Variants in ARMC8 observed in about 807,000 individuals in gnomAD.
The protein encoded by ARMC8 is armadillo repeat containing 8.
A neutral mutation model predicts 99.3 loss-of-function variants in ARMC8; 20 were observed. The ratio of observed to expected loss-of-function variants is 0.20; its 90% CI spans 0.14 to 0.29. ARMC8 has a LOEUF of 0.29. ARMC8 is among the 10% of genes least tolerant of loss of function. ARMC8 has a pLI of 1.00. For synonymous variants in ARMC8, 263 were observed against 278.3 expected (o/e 0.95, Z 0.55); for missense variants, 569 against 809.5 (o/e 0.70, Z 3.60).
intron 14 of ARMC8, 60 bp downstream of exon 14, chr3:138,264,272 T>C: frequency 1.6e-6 from 2 of 1,280,246 alleles, no homozygotes; most frequent in Middle Eastern, 1.9e-4. Flanking sequence ...TGAGCTGAGC[T>C]AGCTAACACT....
intron 11 of ARMC8, among the ~76,000 whole-genome samples, chr3:138,242,349 T>G (rs2046667149): frequency 6.6e-6 from 1 of 152,216 alleles, no homozygotes; most frequent in African/African-American, 2.4e-5. Context: ...GTAATCTTTT[T>G]GTTACAGGAG....
chr3:138,204,154 A>C (rs904771025), intron 1 of ARMC8, among the ~76,000 whole-genome samples: 11 of 152,188 alleles, frequency 7.2e-5, no homozygotes, highest in Non-Finnish European at 1.5e-4. Flanking sequence ...GATCTTGTGG[A>C]GTGATCTTGG....
intron 15 of ARMC8, among the ~76,000 whole-genome samples, chr3:138,268,227 A>C (rs2048459199): frequency 6.6e-6 from 1 of 152,164 alleles, no homozygotes; most frequent in African/African-American, 2.4e-5. Flanking sequence ...TGGGCAAAAG[A>C]GGGAGACTCC....
chr3:138,274,147 G>T (rs1222604077), intron 17 of ARMC8, among the ~76,000 whole-genome samples: 8 of 151,682 alleles, frequency 5.3e-5, no homozygotes, highest in East Asian at 3.9e-4. Context: ...AATATATTTG[G>T]GTTTGAGGAC....
At chr3:138,278,711 AG>A (rs1218183053) in intron 18 of ARMC8, among the ~76,000 whole-genome samples, 1 of 152,182 alleles carries the variant, frequency 6.6e-6, no homozygotes, top group East Asian at 1.9e-4. Context: ...CCAATTATTT[AG>A]GTCTTCTTTA....
intron 19 of ARMC8, among the ~76,000 whole-genome samples, chr3:138,285,036 C>T (rs897607798): frequency 2.6e-5 from 4 of 152,238 alleles, no homozygotes; most frequent in African/African-American, 9.6e-5. Context: ...CATCTCCTGA[C>T]AAAATTCTAA....
chr3:138,204,609 A>G (rs1247059519), intron 1 of ARMC8, among the ~76,000 whole-genome samples: 1 of 152,206 alleles, frequency 6.6e-6, no homozygotes, highest in East Asian at 1.9e-4. Context: ...TGTTGTCAAG[A>G]TCAGTGAACA....
chr3:138,280,789 G>A (rs1283028603), intron 18 of ARMC8, among the ~76,000 whole-genome samples: 1 of 152,012 alleles, frequency 6.6e-6, no homozygotes, highest in East Asian at 1.9e-4. Context: ...ACCATGCCTG[G>A]CCAACTTTTT....
intron 1 of ARMC8, among the ~76,000 whole-genome samples, chr3:138,193,025 A>G (rs1252264162): frequency 6.6e-6 from 1 of 151,800 alleles, no homozygotes; most frequent in Non-Finnish European, 1.5e-5. Flanking sequence ...CTGGAGTGCA[A>G]TGGCCTGGTC....
chr3:138,296,329 A>G lies in ARMC8; in HGVS notation c.*437A>G, dbSNP rs566539732. ...TTTTCTTTTCTTATTTTGTGTGAAA[A>G]TCTCTTTTCTACAGATTTTCCAGGG... On this transcript the variant is annotated 3_prime_UTR_variant, in exon 22 of 22. Coordinates refer to ENST00000469044, the MANE Select transcript of ARMC8 (RefSeq NM_001363941.2). 2.0e-5 allele frequency: 3 copies of G among 153,400 alleles called. No homozygotes were observed. Among genetic ancestry groups the G allele is most frequent in the South Asian group, 4.1e-4 (2 of 4,840 alleles). 9.5% of individuals were successfully genotyped at this position (153,400 alleles called of 1,614,324 possible). A position where few individuals can be genotyped will look rare whatever the true frequency, so the allele number is the denominator to read the frequency against.
Position 138,239,500 on chromosome 3 carries a change from G to A in ARMC8, c.809G>A (p.Arg270Gln), listed in dbSNP as rs200770718. The change falls in exon 10 of 22, where the codon CGG becomes CAG. Residue 270 changes from arginine (R) to glutamine (Q), a missense_variant. By Grantham distance (43) the Arg-to-Gln change is conservative. Coordinates refer to ENST00000469044, the MANE Select transcript of ARMC8 (RefSeq NM_001363941.2). The stretch of plus-strand genomic sequence containing the variant: ...TACATGTGTAGAGCTGGAGCAATTC[G>A]GACAGATGATAACTGTATTGTATTA... ...LTYMCRAGAI[R>Q]TDDNCIVLKT... 1.7e-5 allele frequency: 27 copies of A among 1,598,006 alleles called. No individual in the cohort carries two copies. Among genetic ancestry groups the A allele is most frequent in the East Asian group, 1.4e-4 (6 of 44,068 alleles).
intron 1 of ARMC8, among the ~76,000 whole-genome samples, chr3:138,189,744 G>A (rs1370593261): frequency 3.3e-5 from 5 of 152,120 alleles, no homozygotes; most frequent in Non-Finnish European, 7.4e-5. Context: ...TGATTTTCCT[G>A]TACCCTTAAC....
chr3:138,281,780 C>A (rs1038200022), intron 18 of ARMC8, among the ~76,000 whole-genome samples: 1 of 152,174 alleles, frequency 6.6e-6, no homozygotes, highest in Non-Finnish European at 1.5e-5. Flanking sequence ...TCTGAGGGAT[C>A]TTCCCTGGAA....
At chr3:138,265,903 G>A (rs749520204) in intron 14 of ARMC8, among the ~76,000 whole-genome samples, 8 of 152,148 alleles carry the variant, frequency 5.3e-5, no homozygotes, top group Non-Finnish European at 8.8e-5. Context: ...AGTAGGAGTG[G>A]CTTAGGAAAG....
rs758394985 is a variant in ARMC8, at chr3:138,284,561, A to G, written c.1821+35A>G. ...TGTCCCCTTTCACCGTAGGATTAGA[A>G]TGCAGGGACTGTTGCATTTTTAACT... On this transcript the variant is annotated intron_variant, in intron 19 of 21. Transcript: ENST00000469044. 8.3e-6 allele frequency: 12 copies of G among 1,441,590 alleles called. 1 individual carries two copies. The highest frequency in any genetic ancestry group is 2.3e-5 in the East Asian group (1 of 44,032). The allele number at this position is 1,441,590 out of a possible 1,614,324, so 89.3% of individuals were successfully genotyped here.
intron 19 of ARMC8, 129 bp downstream of exon 19, chr3:138,284,655 A>G (rs543461498): frequency 1.0e-5 from 7 of 681,758 alleles, no homozygotes; most frequent in African/African-American, 1.8e-5. Flanking sequence ...CTCAGATTCA[A>G]AGAACTCTCT....
At chr3:138,248,370 G>A (rs1559987182) in intron 12 of ARMC8, among the ~76,000 whole-genome samples, 1 of 152,216 alleles carries the variant, frequency 6.6e-6, no homozygotes, top group African/African-American at 2.4e-5. Flanking sequence ...CACATTAGCA[G>A]TAACTGCAAT....
In ARMC8 at chr3:138,274,260, T is replaced by TATGA. The variant is rs560843104; in HGVS notation, c.1630-188_1630-185dup. 1.5e-4 allele frequency among the ~76,000 whole-genome samples: 23 copies of TATGA among 151,904 alleles called. No individual in the cohort carries two copies. In the South Asian group the frequency reaches 4.6e-3, roughly 30 times the overall value. ...GTGTGTGTGTGTGTGTGTGTGTGTG[T>TATGA]ATGACATATTTGAAGGCAAACTGCA... is the stretch of plus-strand genomic sequence containing the variant. On this transcript the variant is annotated intron_variant, in intron 17 of 21. Coordinates refer to ENST00000469044, the MANE Select transcript of ARMC8 (RefSeq NM_001363941.2).
intron 16 of ARMC8, among the ~76,000 whole-genome samples, chr3:138,271,196 C>T (rs2108298418): frequency 6.6e-6 from 1 of 152,266 alleles, no homozygotes; most frequent in South Asian, 2.1e-4. Context: ...ATATTTTTCT[C>T]CTGAACTTTG....
Sources: gnomAD v4.1 joint callset for allele counts (sites outside exome capture counted in the v4.1 genomes callset) on GRCh38, gnomAD v4.1.1 for gene constraint, MANE v1.5 for transcripts, NCBI Gene and HGNC (gene_info 2026-07-23, HGNC 2026-07-21) for gene names.